Variants in NCOR2 observed in about 807,000 individuals in gnomAD.
NCOR2 encodes nuclear receptor corepressor 2, also known as CTG repeat protein 26.
A neutral mutation model predicts 262.9 loss-of-function variants in NCOR2; 81 were observed. That is an observed-to-expected ratio of 0.31 (90% confidence interval 0.26 to 0.37). The LOEUF (loss-of-function observed/expected upper bound fraction) is 0.37, where lower values mean the gene tolerates loss of function less well. Ranked by LOEUF, NCOR2 falls within the 10% of genes least tolerant of loss-of-function variation. NCOR2 has a pLI of 1.00. For missense variants in NCOR2, 3,385 were observed against 3,621.4 expected, an observed-to-expected ratio of 0.93 and a Z score of 1.68; for synonymous variants, 1,659 against 1,559.3, an observed-to-expected ratio of 1.06 and a Z score of -1.51.
At chr12:124,335,097 G>A (rs761599540) in intron 40 of NCOR2, 38 bp downstream of exon 42, 1 of 1,612,206 alleles carries the variant, frequency 6.2e-7, no homozygotes, top group South Asian at 1.1e-5. Flanking sequence ...GCCCCCAGGT[G>A]CAAAGGTGAC....
At chr12:124,325,163 G>A (rs924597503) in exon 47 of NCOR2, 16 of 192,282 alleles carry the variant, frequency 8.3e-5, no homozygotes, top group Non-Finnish European at 1.6e-4. Flanking sequence ...CTCCCTTCCC[G>A]AGCACCAGGT....
intron 6 of NCOR2, among the ~76,000 whole-genome samples, chr12:124,455,917 C>T (rs1031943861): frequency 1.3e-5 from 2 of 152,142 alleles, no homozygotes; most frequent in African/African-American, 2.4e-5. Flanking sequence ...ACTCTACTGC[C>T]CAGGCTGGAG....
chr12:124,475,657 C>T (rs541578198), intron 3 of NCOR2, among the ~76,000 whole-genome samples: 56 of 152,352 alleles, frequency 3.7e-4, no homozygotes, highest in South Asian at 2.3e-3. Context: ...TTGGAGCTTG[C>T]TGGAGTTTGC....
At chr12:124,535,267 G>T (rs936635317) in intron 1 of NCOR2, among the ~76,000 whole-genome samples, 15 of 152,340 alleles carry the variant, frequency 9.8e-5, no homozygotes, top group Non-Finnish European at 1.5e-4. Flanking sequence ...GCCCGGGGAA[G>T]CCCACCCTCC....
chr12:124,350,272 T>C (rs1333591924), intron 28 of NCOR2, among the ~76,000 whole-genome samples: 2 of 152,024 alleles, frequency 1.3e-5, no homozygotes. Flanking sequence ...GAGTGCGTGG[T>C]TTGTCAGTAC....
At chr12:124,493,696 T>C (rs1439056939) in intron 1 of NCOR2, among the ~76,000 whole-genome samples, 1 of 152,166 alleles carries the variant, frequency 6.6e-6, no homozygotes, top group Non-Finnish European at 1.5e-5. Flanking sequence ...AGCTCTTCTT[T>C]TTGTTGGTGG....
exon 39 of NCOR2, chr12:124,335,550 C>T (rs1377757631): frequency 1.2e-6 from 2 of 1,609,286 alleles, no homozygotes; most frequent in African/African-American, 1.3e-5. Flanking sequence ...GCTTGGGGAG[C>T]CCCTTGTCGT....
intron 1 of NCOR2, among the ~76,000 whole-genome samples, chr12:124,545,023 C>T (rs1042013941): frequency 2.0e-5 from 3 of 152,108 alleles, no homozygotes; most frequent in Non-Finnish European, 2.9e-5. Flanking sequence ...ATCTGTAAAA[C>T]GGGGATGATG....
At chr12:124,325,160 C>A in exon 47 of NCOR2, 3 of 253,914 alleles carry the variant, frequency 1.2e-5, no homozygotes, top group African/African-American at 2.2e-5. Flanking sequence ...CCCCTCCCTT[C>A]CCGAGCACCA....
intron 1 of NCOR2, among the ~76,000 whole-genome samples, chr12:124,524,799 G>T (rs563731613): frequency 4.6e-5 from 7 of 152,316 alleles, no homozygotes; most frequent in Admixed American, 1.3e-4. Context: ...GCCTCACCCA[G>T]GTGAATGCCT....
At chr12:124,426,518 A>AC (rs2043560636) in intron 11 of NCOR2, 104 bp downstream of exon 13, 8 of 1,157,166 alleles carry the variant, frequency 6.9e-6, no homozygotes, top group Non-Finnish European at 5.9e-6. Context: ...GGTTTTAAGC[A>AC]CCCCCCGGCA....
At chr12:124,387,517 C>CCCAGACTTCCTGCCCT (rs2040903984) in intron 16 of NCOR2, among the ~76,000 whole-genome samples, 2 of 152,220 alleles carry the variant, frequency 1.3e-5, no homozygotes, top group South Asian at 4.1e-4. Flanking sequence ...GGCGTGGGGC[C>CCCAGACTTCCTGCCCT]CCAGACTTCC....
rs1460996043 is a variant in NCOR2, at chr12:124,503,629, T to G, written c.-117-8261A>C. Reference sequence around the variant, plus strand: ...ACGGACGGACGGATGGATGGATGGATGGATGGGCGAATGGATGGATGGATG... The same window carrying G: ...ACGGACGGACGGATGGATGGATGGAGGGATGGGCGAATGGATGGATGGATG... On this transcript the variant is annotated intron_variant, in intron 1 of 46. Transcript: ENST00000404621. The surrounding 1 kb of genome is among the most constrained non-coding windows in gnomAD (Gnocchi z 4.3). Among the ~76,000 whole-genome samples, 5 of 143,626 alleles carry G rather than the reference T, an allele frequency of 3.5e-5. No homozygotes were observed. The East Asian group carries it at 1.0e-3, about 29-fold the overall frequency. The allele number at this position is 143,626 out of a possible 152,430, so 94.2% of individuals were successfully genotyped here.
In NCOR2 at chr12:124,378,393, C is replaced by G; in HGVS notation, c.2020-9G>C. ...GCGTTCCTCTCCTTCTCCTGGGGCA[C>G]AGGGAAGCAGCAGATCAGGACTGGG... On this transcript the variant is annotated splice_polypyrimidine_tract_variant and intron_variant, in intron 17 of 46. Coordinates refer to ENST00000405201, the Ensembl canonical transcript of NCOR2. This position sits in a 1 kb window ranked among gnomAD's most constrained non-coding sequence, Gnocchi z 4.2. The G allele has an allele frequency of 6.2e-7, 1 of 1,608,098 alleles. No homozygotes were observed. Among genetic ancestry groups the G allele is most frequent in the Non-Finnish European group, 8.5e-7 (1 of 1,178,156 alleles).
intron 1 of NCOR2, among the ~76,000 whole-genome samples, chr12:124,509,898 G>A (rs755923352): frequency 3.3e-5 from 5 of 151,906 alleles, no homozygotes; most frequent in Non-Finnish European, 4.4e-5. Context: ...CTGAGCCTCC[G>A]GACCTCGGTT....
intron 7 of NCOR2, among the ~76,000 whole-genome samples, chr12:124,441,643 T>C (rs1348257920): frequency 1.3e-5 from 2 of 152,202 alleles, no homozygotes; most frequent in Non-Finnish European, 2.9e-5. Flanking sequence ...CCCGCAAGTA[T>C]GTATGAATCA....
At chr12:124,339,328 CATCCATCT>C (rs1259778721) in intron 37 of NCOR2, among the ~76,000 whole-genome samples, 2,221 of 143,532 alleles carry the variant, frequency 0.015, 76 homozygotes, top group African/African-American at 0.055. Flanking sequence ...TCCATCCATC[CATCCATCT>C]GGCTAACTCA....
intron 1 of NCOR2, among the ~76,000 whole-genome samples, chr12:124,492,832 G>C (rs1393520307): frequency 1.3e-5 from 2 of 152,210 alleles, no homozygotes; most frequent in African/African-American, 4.8e-5. Context: ...GCCCAGGGCA[G>C]CAGGGCCCTC....
chr12:124,371,760 C>G (rs935859038), intron 20 of NCOR2, among the ~76,000 whole-genome samples: 9 of 152,144 alleles, frequency 5.9e-5, no homozygotes, highest in African/African-American at 1.9e-4. Flanking sequence ...CACTCTCTCC[C>G]TAGCGCTGCC....
Sources: gnomAD v4.1 joint callset for allele counts (sites outside exome capture counted in the v4.1 genomes callset) on GRCh38, gnomAD v4.1.1 for gene constraint, Gnocchi (gnomAD v3.1) non-coding constraint, MANE v1.5 for transcripts, NCBI Gene and HGNC (gene_info 2026-07-23, HGNC 2026-07-21) for gene names.